Variants in SLC1A4 observed in about 807,000 individuals in gnomAD.
The protein encoded by SLC1A4 is solute carrier family 1 member 4, also known as neutral amino acid transporter A.
In SLC1A4, 19 loss-of-function variants were observed where a neutral mutation model predicts 37.7. The ratio of observed to expected loss-of-function variants is 0.50; its 90% confidence interval spans 0.35 to 0.74. SLC1A4 has a LOEUF of 0.74. Among genes scored for constraint, SLC1A4 ranks in the 30% least tolerant of loss-of-function variants. SLC1A4 has a pLI of 0.01. For missense variants in SLC1A4, 570 were observed against 712.9 expected, an observed-to-expected ratio of 0.80 and a Z score of 2.28; for synonymous variants, 299 against 309.8, an observed-to-expected ratio of 0.97 and a Z score of 0.37.
intron 1 of SLC1A4, among the ~76,000 whole-genome samples, chr2:64,998,193 C>T (rs1285920005): frequency 1.3e-5 from 2 of 151,548 alleles, no homozygotes; most frequent in African/African-American, 4.9e-5. Context: ...GCCGAGATCA[C>T]GCCACTGCCC....
intron 4 of SLC1A4, chr2:65,011,210 A>G (rs78362444): frequency 0.041 from 6,261 of 154,382 alleles, 271 homozygotes; most frequent in East Asian, 0.26. Context: ...AGCATAGAGG[A>G]CAAGGACAAG....
intron 4 of SLC1A4, among the ~76,000 whole-genome samples, chr2:65,014,475 T>C (rs934302333): frequency 2.6e-5 from 4 of 152,204 alleles, no homozygotes; most frequent in Non-Finnish European, 5.9e-5. Flanking sequence ...TGATCAGTCT[T>C]TGTGGGAGGC....
At chr2:64,989,377 G>A (rs190671980), upstream of SLC1A4, 178 of 334,392 alleles carry the variant, frequency 5.3e-4, 4 homozygotes, top group Non-Finnish European at 1.5e-4. Context: ...CTGCGTCCGC[G>A]TTCGCGGCTC....
intron 1 of SLC1A4, among the ~76,000 whole-genome samples, chr2:64,992,954 C>T (rs1290175205): frequency 6.6e-6 from 1 of 152,256 alleles, no homozygotes; most frequent in East Asian, 1.9e-4. Context: ...GAAATGCTTC[C>T]TGAGTCTGGA....
chr2:65,004,063 CTT>C (rs1673581444), intron 3 of SLC1A4, 48 bp downstream of exon 3: 1 of 1,471,702 alleles, frequency 6.8e-7, no homozygotes, highest in African/African-American at 1.4e-5. Flanking sequence ...TAAAACAAAT[CTT>C]ATTTCTTCTT....
chr2:65,006,193 G>T (rs1673663831), intron 3 of SLC1A4, among the ~76,000 whole-genome samples: 1 of 152,054 alleles, frequency 6.6e-6, no homozygotes, highest in Non-Finnish European at 1.5e-5. Flanking sequence ...CATTTAAGGA[G>T]TCAGGCTTTA....
chr2:64,998,534 G>A (rs1673352195), intron 1 of SLC1A4, among the ~76,000 whole-genome samples: 1 of 151,992 alleles, frequency 6.6e-6, no homozygotes, highest in Admixed American at 6.6e-5. Context: ...CTTGATTTTT[G>A]GGGGGCAGAA....
intron 3 of SLC1A4, among the ~76,000 whole-genome samples, chr2:65,010,179 G>A (rs570901676): frequency 3.9e-5 from 6 of 152,218 alleles, no homozygotes; most frequent in South Asian, 4.1e-4. Context: ...TGATCCACTC[G>A]CCTTGGCCTC....
At chr2:65,020,503 A>G (rs939677292) in intron 7 of SLC1A4, among the ~76,000 whole-genome samples, 3 of 152,040 alleles carry the variant, frequency 2.0e-5, no homozygotes, top group African/African-American at 7.2e-5. Context: ...CTGGCCTTAA[A>G]CAGTCCTCCC....
intron 3 of SLC1A4, among the ~76,000 whole-genome samples, chr2:65,007,288 G>A (rs1372638222): frequency 1.4e-5 from 2 of 143,798 alleles, no homozygotes; most frequent in Non-Finnish European, 3.2e-5. Context: ...GTGTGTGTGT[G>A]TCTGTGGTGA....
rs1674288654 is a variant in SLC1A4, at chr2:65,018,732, G to A, written c.1364+53G>A. 1 of 1,604,654 alleles carries A rather than the reference G, an allele frequency of 6.2e-7. No homozygotes were observed. The highest frequency in any genetic ancestry group is 8.5e-7 in the Non-Finnish European group (1 of 1,175,004). Reference sequence around the variant, plus strand: ...AAAGAGTCTGCACTGAGTTCCCTAGGAGCTTAGCACTGCTGGGCCTGGGCC... The same window carrying A: ...AAAGAGTCTGCACTGAGTTCCCTAGAAGCTTAGCACTGCTGGGCCTGGGCC... On this transcript the variant is annotated intron_variant, in intron 7 of 7. Transcript: ENST00000234256. The surrounding 1 kb of genome is among the most constrained non-coding windows in gnomAD (Gnocchi z 4.3).
intron 2 of SLC1A4, among the ~76,000 whole-genome samples, chr2:65,002,880 A>G (rs188060704): frequency 6.6e-6 from 1 of 152,118 alleles, no homozygotes; most frequent in Admixed American, 6.5e-5. Context: ...CTGGTCTCCT[A>G]TGACCATTCT....
chr2:65,007,368 T>TG (rs528808068), intron 3 of SLC1A4, among the ~76,000 whole-genome samples: 208 of 152,016 alleles, frequency 1.4e-3, no homozygotes, highest in African/African-American at 4.7e-3. Context: ...TGGGGAGATG[T>TG]GGGGGAAAAG....
chr2:65,017,986 C>A, intron 5 of SLC1A4, 85 bp from the exon 6 acceptor site: 1 of 1,146,254 alleles, frequency 8.7e-7, no homozygotes, highest in South Asian at 1.5e-5. Context: ...GTGCTAATTG[C>A]TCTGTTCTGG....
intron 1 of SLC1A4, among the ~76,000 whole-genome samples, chr2:64,997,261 G>A (rs148138679): frequency 2.0e-5 from 3 of 152,208 alleles, no homozygotes; most frequent in Non-Finnish European, 2.9e-5. Context: ...TTGAATGTAC[G>A]TATTTTTTAG....
rs373594125 is a variant in SLC1A4, at chr2:65,016,863, C to T, written c.1034+190C>T. 3.3e-5 allele frequency among the ~76,000 whole-genome samples: 5 copies of T among 152,222 alleles called. No individual in the cohort carries two copies. In the South Asian group the frequency reaches 1.0e-3, roughly 31 times the overall value. On this transcript the variant is annotated intron_variant, in intron 5 of 7. Coordinates refer to ENST00000234256, the MANE Select transcript of SLC1A4 (RefSeq NM_003038.5). The stretch of plus-strand genomic sequence containing the variant: ...TCTTCCCGTGATTGCCCAGGCTGGT[C>T]TCGAACTCCTGGGCTCAAGTGATCC...
chr2:65,018,029 G>A lies in SLC1A4; in HGVS notation c.1035-42G>A, dbSNP rs752998001. 8.9e-6 allele frequency: 14 copies of A among 1,573,500 alleles called. No individual in the cohort carries two copies. Among genetic ancestry groups the A allele is most frequent in the Admixed American group, 3.4e-5 (2 of 59,436 alleles). ...GACAAGACACATGTTAGCCTGCCTC[G>A]GACTGTTGTCATGTCTGGCGGTTTG... On this transcript the variant is annotated intron_variant, in intron 5 of 7. Transcript: ENST00000234256. The surrounding 1 kb of genome is among the most constrained non-coding windows in gnomAD (Gnocchi z 4.3).
chr2:65,021,442 A>G lies in SLC1A4; in HGVS notation c.*296A>G, dbSNP rs1163062058. The G allele has an allele frequency of 2.5e-6, 1 of 402,804 alleles. No individual in the cohort carries two copies. The highest frequency in any genetic ancestry group is 4.5e-6 in the Non-Finnish European group (1 of 219,918). 25.0% of individuals were successfully genotyped at this position (402,804 alleles called of 1,614,324 possible). On this transcript the variant is annotated 3_prime_UTR_variant, in exon 8 of 8. Coordinates refer to ENST00000234256, the MANE Select transcript of SLC1A4 (RefSeq NM_003038.5). ...CTTGAGCTGCCAGGCTCAAGAAATCATGGACTCACAGGGTCCTGTGTGGTT... is the reference window on the plus strand; with the variant it reads ...CTTGAGCTGCCAGGCTCAAGAAATCGTGGACTCACAGGGTCCTGTGTGGTT...
intron 1 of SLC1A4, among the ~76,000 whole-genome samples, chr2:64,992,715 ATGCCTTAGTAATGTCACC>A: frequency 6.6e-6 from 1 of 152,232 alleles, no homozygotes; most frequent in East Asian, 1.9e-4. Flanking sequence ...CCAAGTCAAC[ATGCCTTAGTAATGTCACC>A]TGCCTAGTCT....
Sources: allele counts gnomAD v4.1 joint callset (sites outside exome capture counted in the v4.1 genomes callset), GRCh38; gene constraint gnomAD v4.1.1; non-coding constraint Gnocchi (gnomAD v3.1); transcripts MANE v1.5; gene names NCBI Gene and HGNC (gene_info 2026-07-23, HGNC 2026-07-21).